Variants in SHANK2 observed in about 807,000 individuals in gnomAD.
SHANK2 encodes SH3 and multiple ankyrin repeat domains 2, also known as SH3 and multiple ankyrin repeat domains protein 2.
A neutral mutation model predicts 133.7 loss-of-function variants in SHANK2; 43 were observed. The observed-to-expected ratio is 0.32, with a 90% CI of 0.25 to 0.41. The LOEUF (loss-of-function observed/expected upper bound fraction) is 0.41, where lower values mean the gene tolerates loss of function less well. SHANK2 is among the 10% of genes least tolerant of loss of function. The pLI, the probability that SHANK2 is intolerant of heterozygous loss-of-function variation, is 1.00. For synonymous variants in SHANK2, 1,017 were observed against 952.8 expected (o/e 1.07, Z -1.24); for missense variants, 1,994 against 2,235.8 (o/e 0.89, Z 2.18).
At chr11:70,759,587 C>T (rs942349950) in intron 14 of SHANK2, among the ~76,000 whole-genome samples, 4 of 152,158 alleles carry the variant, frequency 2.6e-5, no homozygotes, top group African/African-American at 9.7e-5. Flanking sequence ...CACAACTGGC[C>T]GGCGTTAACA....
chr11:71,210,249 TA>T (rs1565516793), intron 2 of SHANK2, among the ~76,000 whole-genome samples: 185 of 93,686 alleles, frequency 2.0e-3, no homozygotes, highest in Non-Finnish European at 2.8e-3. Flanking sequence ...TATATATATA[TA>T]TATTTATTTA....
At chr11:71,157,996 T>C (rs1391719129) in intron 2 of SHANK2, among the ~76,000 whole-genome samples, 12 of 152,134 alleles carry the variant, frequency 7.9e-5, no homozygotes, top group Admixed American at 5.9e-4. Context: ...ACGGACAGCC[T>C]GGGGGGACAC....
chr11:70,917,164 A>C (rs1298705502), intron 10 of SHANK2, among the ~76,000 whole-genome samples: 1 of 152,214 alleles, frequency 6.6e-6, no homozygotes, highest in African/African-American at 2.4e-5. Context: ...TAAGGATGCA[A>C]GAAAAAAACA....
At chr11:70,913,545 G>A (rs551801786) in intron 10 of SHANK2, among the ~76,000 whole-genome samples, 113 of 152,314 alleles carry the variant, frequency 7.4e-4, no homozygotes, top group African/African-American at 2.5e-3. Context: ...GGGAGACCAA[G>A]AGGGAAAGAA....
At chr11:71,236,763 C>A (rs1954830157) in intron 1 of SHANK2, among the ~76,000 whole-genome samples, 1 of 152,214 alleles carries the variant, frequency 6.6e-6, no homozygotes, top group Admixed American at 6.5e-5. Flanking sequence ...CTGTACAGCA[C>A]ATAAGCACAA....
intron 15 of SHANK2, among the ~76,000 whole-genome samples, chr11:70,688,071 C>T (rs940658528): frequency 3.3e-5 from 5 of 152,316 alleles, no homozygotes; most frequent in South Asian, 4.1e-4. Context: ...CAGAAAAGGC[C>T]GTCATGAGGG....
chr11:70,871,421 A>G (rs1949460535), intron 11 of SHANK2, among the ~76,000 whole-genome samples: 1 of 152,136 alleles, frequency 6.6e-6, no homozygotes, highest in Admixed American at 6.5e-5. Flanking sequence ...AAGGGCAACC[A>G]CAGAACCTGG....
At chr11:70,766,766 T>G (rs2135017191) in intron 14 of SHANK2, among the ~76,000 whole-genome samples, 1 of 152,208 alleles carries the variant, frequency 6.6e-6, no homozygotes, top group East Asian at 1.9e-4. Context: ...TCATAACAAC[T>G]CCATTTTGTC....
chr11:70,645,431 C>A (rs2061247137), intron 17 of SHANK2, among the ~76,000 whole-genome samples: 1 of 151,996 alleles, frequency 6.6e-6, no homozygotes, highest in Non-Finnish European at 1.5e-5. Context: ...AAACAAAAAA[C>A]AAAAAACTGA....
chr11:70,559,921 G>T (rs1489226329), intron 17 of SHANK2, among the ~76,000 whole-genome samples: 1 of 151,966 alleles, frequency 6.6e-6, no homozygotes, highest in Non-Finnish European at 1.5e-5. Flanking sequence ...GCCCAGGCTG[G>T]AGCACAGTGG....
chr11:70,900,086 C>T (rs1459173860), intron 10 of SHANK2, among the ~76,000 whole-genome samples: 4 of 152,148 alleles, frequency 2.6e-5, no homozygotes, highest in African/African-American at 7.2e-5. Context: ...CCAGGCGCTG[C>T]GGCTCACACC....
intron 9 of SHANK2, among the ~76,000 whole-genome samples, chr11:71,071,167 T>G (rs1590883217): frequency 6.6e-6 from 1 of 152,326 alleles, no homozygotes; most frequent in Admixed American, 6.5e-5. Flanking sequence ...AAAGCAGTAA[T>G]TAGGAAGCAG....
At chr11:70,610,075 G>A (rs1156488840) in intron 17 of SHANK2, among the ~76,000 whole-genome samples, 1 of 151,524 alleles carries the variant, frequency 6.6e-6, no homozygotes, top group Admixed American at 6.6e-5. Flanking sequence ...GCTGCCAGGA[G>A]GTTCGGGGTT....
intron 1 of SHANK2, among the ~76,000 whole-genome samples, chr11:71,238,725 A>G (rs1458363919): frequency 6.6e-6 from 1 of 152,226 alleles, no homozygotes; most frequent in African/African-American, 2.4e-5. Context: ...CTGCTGGGCA[A>G]ATGCACTGTC....
chr11:71,100,046 CAAA>C (rs55637618), intron 6 of SHANK2, among the ~76,000 whole-genome samples: 9 of 100,730 alleles, frequency 8.9e-5, no homozygotes, highest in Admixed American at 1.1e-4. Flanking sequence ...AAGACCATGT[CAAA>C]AAAAAAAAAA....
chr11:70,565,122 C>T (rs1554981620), intron 17 of SHANK2, among the ~76,000 whole-genome samples: 1 of 152,200 alleles, frequency 6.6e-6, no homozygotes, highest in African/African-American at 2.4e-5. Flanking sequence ...GGATGCCAGA[C>T]ATCATGAATT....
chr11:70,783,756 G>C (rs898290141), intron 14 of SHANK2, among the ~76,000 whole-genome samples: 1 of 152,278 alleles, frequency 6.6e-6, no homozygotes, highest in East Asian at 1.9e-4. Context: ...CTGGACGTGC[G>C]GTTGTTTTGT....
intron 10 of SHANK2, among the ~76,000 whole-genome samples, chr11:70,931,772 C>T (rs1418480056): frequency 1.3e-5 from 2 of 152,270 alleles, no homozygotes; most frequent in African/African-American, 4.8e-5. Flanking sequence ...AATGAGGTCT[C>T]ACATCTAGAA....
chr11:70,843,594 T>C (rs1206830792), intron 11 of SHANK2, among the ~76,000 whole-genome samples: 1 of 151,704 alleles, frequency 6.6e-6, no homozygotes, highest in Non-Finnish European at 1.5e-5. Flanking sequence ...GAGACGACCC[T>C]GTGAGGTCAC....
Sources: allele counts gnomAD v4.1 joint callset (sites outside exome capture counted in the v4.1 genomes callset), GRCh38; gene constraint gnomAD v4.1.1; transcripts MANE v1.5; gene names NCBI Gene and HGNC (gene_info 2026-07-23, HGNC 2026-07-21).